GPR37: variants seen among roughly 807,000 people sequenced by gnomAD.
GPR37 encodes the protein G protein-coupled receptor 37.
Under a neutral mutation model 43.6 loss-of-function variants are expected in GPR37, and 20 were observed. That is an observed-to-expected ratio of 0.46 (90% CI 0.32 to 0.67). GPR37 has a LOEUF of 0.67. Ranked by LOEUF, GPR37 falls within the 30% of genes least tolerant of loss-of-function variation. The pLI is 0.03. For synonymous variants in GPR37, 315 were observed against 322.6 expected (o/e 0.98, Z 0.25); for missense variants, 724 against 797.2 (o/e 0.91, Z 1.11).
Position 124,764,995 on chromosome 7 carries a change from C to G in GPR37, c.-19G>C. 2 of 1,439,448 alleles carry G rather than the reference C, an allele frequency of 1.4e-6. No homozygotes were observed. Among genetic ancestry groups the G allele is most frequent in the Non-Finnish European group, 1.8e-6 (2 of 1,100,756 alleles). The allele number at this position is 1,439,448 out of a possible 1,614,324, so 89.2% of individuals were successfully genotyped here. ...CTCGCATGGCTTGGTGAGGGCACACCCGGCAGCCGCAGCTCCTGCTTAGTT... is the reference window on the plus strand; with the variant it reads ...CTCGCATGGCTTGGTGAGGGCACACGCGGCAGCCGCAGCTCCTGCTTAGTT... On this transcript the variant is annotated 5_prime_UTR_variant, in exon 1 of 2. Coordinates refer to ENST00000303921, the MANE Select transcript of GPR37 (RefSeq NM_005302.5). The surrounding 1 kb of genome is among the most constrained non-coding windows in gnomAD (Gnocchi z 5.4).
At chr7:124,760,226 A>G (rs1487163528) in intron 1 of GPR37, among the ~76,000 whole-genome samples, 1 of 152,198 alleles carries the variant, frequency 6.6e-6, no homozygotes, top group Non-Finnish European at 1.5e-5. Flanking sequence ...TAAGAAAGTA[A>G]CAAGTGAAGG....
intron 1 of GPR37, among the ~76,000 whole-genome samples, chr7:124,760,231 T>C (rs1793836050): frequency 1.3e-5 from 2 of 151,976 alleles, no homozygotes; most frequent in African/African-American, 4.8e-5. Context: ...AAGTAACAAG[T>C]GAAGGAATGG....
In GPR37 at chr7:124,759,201, G is replaced by A. The variant is rs138316288; in HGVS notation, c.1023+4753C>T. ...CCTACCCCAGCCTCCTGAATGGTTG[G>A]GACTACAGGCATGCACCACCACATC... On this transcript the variant is annotated intron_variant, in intron 1 of 1. Transcript: ENST00000303921. Among the ~76,000 whole-genome samples, 205 of 151,794 alleles carry A rather than the reference G, an allele frequency of 1.4e-3. 1 individual carries two copies. Among genetic ancestry groups the A allele is most frequent in the African/African-American group, 4.5e-3 (185 of 41,366 alleles).
intron 1 of GPR37, among the ~76,000 whole-genome samples, chr7:124,747,842 T>C (rs1793691027): frequency 6.6e-6 from 1 of 152,144 alleles, no homozygotes; most frequent in African/African-American, 2.4e-5. Flanking sequence ...GACTAAATGA[T>C]TGGAGGGCTC....
intron 1 of GPR37, among the ~76,000 whole-genome samples, chr7:124,759,448 T>C (rs979201576): frequency 2.0e-5 from 3 of 152,204 alleles, no homozygotes; most frequent in Admixed American, 6.5e-5. Flanking sequence ...ATTCTCCTAT[T>C]GCAATCCACA....
intron 1 of GPR37, among the ~76,000 whole-genome samples, chr7:124,750,411 A>G (rs1430112606): frequency 6.6e-6 from 1 of 152,114 alleles, no homozygotes; most frequent in Non-Finnish European, 1.5e-5. Flanking sequence ...TTGAAATCAC[A>G]AATAGGATTT....
At chr7:124,757,726 G>A (rs182045360) in intron 1 of GPR37, among the ~76,000 whole-genome samples, 11 of 152,238 alleles carry the variant, frequency 7.2e-5, no homozygotes, top group Non-Finnish European at 1.3e-4. Flanking sequence ...TCATCATGGT[G>A]TAGAACATTA....
chr7:124,747,462 G>A (rs1264475840), intron 1 of GPR37, 119 bp from the exon 2 acceptor site: 27 of 659,316 alleles, frequency 4.1e-5, no homozygotes, highest in Middle Eastern at 4.1e-4. Context: ...AAATGAGAGA[G>A]AGAGAGAGAA....
At chr7:124,748,588 G>T (rs1338535998) in intron 1 of GPR37, among the ~76,000 whole-genome samples, 1 of 152,024 alleles carries the variant, frequency 6.6e-6, no homozygotes, top group Non-Finnish European at 1.5e-5. Context: ...CATAAAATAG[G>T]TATGTACATC....
intron 1 of GPR37, among the ~76,000 whole-genome samples, chr7:124,758,854 T>A (rs1793821329): frequency 6.6e-6 from 1 of 152,162 alleles, no homozygotes; most frequent in African/African-American, 2.4e-5. Context: ...TCATTATAAT[T>A]ATTTGAAGCC....
intron 1 of GPR37, among the ~76,000 whole-genome samples, chr7:124,754,113 A>G (rs774267459): frequency 6.6e-6 from 1 of 152,180 alleles, no homozygotes; most frequent in Non-Finnish European, 1.5e-5. Flanking sequence ...AAAATACTTA[A>G]TAAAAGGTAA....
Position 124,764,472 on chromosome 7 carries a change from T to C in GPR37, c.505A>G (p.Ser169Gly). The change falls in exon 1 of 2, where the codon AGT becomes GGT. Residue 169 changes from serine (S) to glycine (G), a missense_variant. Ser to Gly is a moderately conservative substitution (Grantham distance 56, BLOSUM62 0). Around this residue, in one of 2 missense-constraint regions of GPR37, gnomAD observed 382 missense variants for 355.4 expected, o/e 1.07. Coordinates refer to ENST00000303921, the MANE Select transcript of GPR37 (RefSeq NM_005302.5). The surrounding 1 kb of genome is among the most constrained non-coding windows in gnomAD (Gnocchi z 5.4). The stretch of plus-strand genomic sequence containing the variant: ...CTGGCTCCGGGGACTGTCTTCACAC[T>C]CTGCTCCTGGCTACGCCCGGAAATG... ...AGISGRSQEQ[S>G]VKTVPGASDL... is the part of the protein sequence containing the mutation. The C allele has an allele frequency of 6.2e-7, 1 of 1,613,662 alleles. No individual in the cohort carries two copies. Among genetic ancestry groups the C allele is most frequent in the Non-Finnish European group, 8.5e-7 (1 of 1,180,032 alleles).
Position 124,743,921 on chromosome 7 carries a change from A to G in GPR37, c.*2604T>C, listed in dbSNP as rs1300392451. ...AAGACATTGGATAAGATCCAGACTG[A>G]AGAAATGTTGAACAGAAATGATTAA... On this transcript the variant is annotated 3_prime_UTR_variant, in exon 2 of 2. Coordinates refer to ENST00000303921, the MANE Select transcript of GPR37 (RefSeq NM_005302.5). The G allele has an allele frequency of 6.7e-6, 1 of 149,276 alleles. No individual in the cohort carries two copies. Among genetic ancestry groups the G allele is most frequent in the Non-Finnish European group, 1.5e-5 (1 of 67,544 alleles). The allele number at this position is 149,276 out of a possible 1,614,324, so 9.2% of individuals were successfully genotyped here.
rs1793648712 is a variant in GPR37, at chr7:124,744,527, C to A, written c.*1998G>T. The A allele has an allele frequency of 6.6e-6, 1 of 152,188 alleles. No homozygotes were observed. The highest frequency in any genetic ancestry group is 2.1e-4 in the South Asian group (1 of 4,828). 9.4% of individuals were successfully genotyped at this position (152,188 alleles called of 1,614,324 possible). A position where few individuals can be genotyped will look rare whatever the true frequency, so the allele number is the denominator to read the frequency against. On this transcript the variant is annotated 3_prime_UTR_variant, in exon 2 of 2. Coordinates refer to ENST00000303921, the MANE Select transcript of GPR37 (RefSeq NM_005302.5). ...CTCTCTCCTCCTGAAGTGTCCACTCCTCACACCATCTTTCATCAGCTCCTT... is the reference window on the plus strand; with the variant it reads ...CTCTCTCCTCCTGAAGTGTCCACTCATCACACCATCTTTCATCAGCTCCTT...
intron 1 of GPR37, among the ~76,000 whole-genome samples, chr7:124,756,434 A>G (rs2402750): frequency 0.96 from 146,705 of 152,202 alleles, 70,745 homozygotes; most frequent in East Asian, 1. Flanking sequence ...AACAAGACTG[A>G]CACAGTGATC....
intron 1 of GPR37, among the ~76,000 whole-genome samples, chr7:124,758,480 G>T (rs1254779383): frequency 6.6e-6 from 1 of 152,142 alleles, no homozygotes; most frequent in Non-Finnish European, 1.5e-5. Context: ...ACCTCTCAAA[G>T]AAAATTTACC....
In GPR37 at chr7:124,764,259, T is replaced by G; in HGVS notation, c.718A>C (p.Ser240Arg). 1 of 1,599,026 alleles carries G rather than the reference T, an allele frequency of 6.3e-7. No homozygotes were observed. Among genetic ancestry groups the G allele is most frequent in the South Asian group, 1.1e-5 (1 of 88,390 alleles). Residue 240 changes from serine to arginine, a missense_variant, in exon 1 of 2, where the codon AGC (serine) becomes CGC (arginine). Physicochemically the swap from Ser to Arg is moderately radical, Grantham distance 110. This residue lies in a region of GPR37 where 382 missense variants were observed against 355.4 expected (regional missense o/e 1.07). Transcript: ENST00000303921. This position sits in a 1 kb window ranked among gnomAD's most constrained non-coding sequence, Gnocchi z 5.4. The part of the protein sequence containing the change: ...HEPGGPRRGN[S>R]TNRRVRLKNP... ...TTCAGTCTCACACGCCGGTTCGTGCTGTTTCCCCGGCGGGGACCCCCAGGC... is the reference window on the plus strand; with the variant it reads ...TTCAGTCTCACACGCCGGTTCGTGCGGTTTCCCCGGCGGGGACCCCCAGGC...
rs1373061905 is a variant in GPR37 at position 124,752,986 on chromosome 7, C to T, written c.1024-5643G>A. On this transcript the variant is annotated intron_variant, in intron 1 of 1. Transcript: ENST00000303921. Reference sequence around the variant, plus strand: ...CTTGTAAAGTTGTAAAAGTTTGCTCCTGTGTAGGAAAAAAAAATAGCCCAG... The same window carrying T: ...CTTGTAAAGTTGTAAAAGTTTGCTCTTGTGTAGGAAAAAAAAATAGCCCAG... Among the ~76,000 whole-genome samples, 3 of 151,704 alleles carry T rather than the reference C, an allele frequency of 2.0e-5. No homozygotes were observed. The East Asian group carries it at 5.8e-4, about 29-fold the overall frequency.
chr7:124,756,154 C>T (rs544875284), intron 1 of GPR37, among the ~76,000 whole-genome samples: 14 of 151,880 alleles, frequency 9.2e-5, no homozygotes, highest in Admixed American at 2.6e-4. Flanking sequence ...GATGCTTTTC[C>T]GATATAAAAA....
Sources: gnomAD v4.1 joint callset for allele counts (sites outside exome capture counted in the v4.1 genomes callset) on GRCh38, gnomAD v4.1.1 for gene constraint, gnomAD v4.1.1 regional missense constraint, Gnocchi (gnomAD v3.1) non-coding constraint, MANE v1.5 for transcripts, NCBI Gene and HGNC (gene_info 2026-07-23, HGNC 2026-07-21) for gene names.